Variants in MINAR1 observed in about 807,000 individuals in gnomAD.
The protein encoded by MINAR1 is membrane integral NOTCH2 associated receptor 1.
MINAR1 carries 40 observed loss-of-function variants against 65.1 expected under a neutral mutation model. The ratio of observed to expected loss-of-function variants is 0.61; its 90% confidence interval spans 0.48 to 0.80. The LOEUF (loss-of-function observed/expected upper bound fraction) is 0.80, where lower values mean the gene tolerates loss of function less well. MINAR1 is among the 30% of genes least tolerant of loss of function. MINAR1 has a pLI of 0.00. For synonymous variants in MINAR1, 482 were observed against 449.1 expected, an observed-to-expected ratio of 1.07 and a Z score of -0.93; for missense variants, 1,128 against 1,148.0, an observed-to-expected ratio of 0.98 and a Z score of 0.25.
chr15:79,444,366 A>G (rs1259853441), intron 1 of MINAR1, among the ~76,000 whole-genome samples: 1 of 151,776 alleles, frequency 6.6e-6, no homozygotes, highest in East Asian at 1.9e-4. Flanking sequence ...GAGATTTCCA[A>G]TTTTGTTATT....
chr15:79,422,616 A>T, the MINAR1 span: 1 of 152,134 alleles, frequency 6.6e-6, no homozygotes, highest in Non-Finnish European at 1.5e-5. Flanking sequence ...ACAAGATCAG[A>T]AAGAGAGGAA....
chr15:79,451,432 C>T (rs1895196575), intron 1 of MINAR1, among the ~76,000 whole-genome samples: 2 of 152,082 alleles, frequency 1.3e-5, no homozygotes, highest in Admixed American at 6.6e-5. Flanking sequence ...TTCCAGGAGC[C>T]GGCGTGGGTG....
chr15:79,463,559 G>A, intron 3 of MINAR1: 1 of 663,118 alleles, frequency 1.5e-6, no homozygotes, highest in Non-Finnish European at 2.7e-6. Flanking sequence ...ATTGATTTAT[G>A]TATTTTTTAT....
rs934678558 is a variant in MINAR1 at position 79,458,581 on chromosome 15, G to A, written c.2298+136G>A. On this transcript the variant is annotated intron_variant, in intron 2 of 3. Transcript: ENST00000305428. ...CCAGTCATCCTTCCAGGTTTGGCAGGGTTTTCACATTGGAATAGAGAGGAC... is the reference window on the plus strand; with the variant it reads ...CCAGTCATCCTTCCAGGTTTGGCAGAGTTTTCACATTGGAATAGAGAGGAC... 8 of 1,112,242 alleles carry A rather than the reference G, an allele frequency of 7.2e-6. No homozygotes were observed. The Admixed American group carries it at 1.4e-4, about 19-fold the overall frequency. 68.9% of individuals were successfully genotyped at this position (1,112,242 alleles called of 1,614,324 possible). A position where few individuals can be genotyped will look rare whatever the true frequency, so the allele number is the denominator to read the frequency against.
At position 79,471,255 on chromosome 15, in the gene MINAR1, T is replaced by C. The variant is rs1668423134; in HGVS notation, c.*2871T>C. On this transcript the variant is annotated 3_prime_UTR_variant, in exon 4 of 4. Coordinates refer to ENST00000305428, the MANE Select transcript of MINAR1 (RefSeq NM_015206.3). ...GTCTAAAATTACAACGTTATCAAAATTCACTTCGTTTTTCCTGCATTTTAA... is the reference window on the plus strand; with the variant it reads ...GTCTAAAATTACAACGTTATCAAAACTCACTTCGTTTTTCCTGCATTTTAA... 1.3e-5 allele frequency: 2 copies of C among 152,370 alleles called. No individual in the cohort carries two copies. The highest frequency in any genetic ancestry group is 2.4e-5 in the African/African-American group (1 of 41,446). The allele number at this position is 152,370 out of a possible 1,614,324, so 9.4% of individuals were successfully genotyped here.
At position 79,463,262 on chromosome 15, in the gene MINAR1, A is replaced by T. The variant is rs2297773; in HGVS notation, c.2494A>T (p.Ile832Phe). Residue 832 changes from isoleucine to phenylalanine, a missense_variant, in exon 3 of 4, where the codon ATT becomes TTT. Transcript: ENST00000305428. ...EVKRGQPSWT[I>F]EEYARNAGDK... ...GAAGCGGGGCCAACCTTCTTGGACC[A>T]TTGAGGAGTATGCACGGAATGCGGG... is the stretch of plus-strand genomic sequence containing the variant. 1 of 1,614,048 alleles carries T rather than the reference A, an allele frequency of 6.2e-7. No individual in the cohort carries two copies. The highest frequency in any genetic ancestry group is 1.1e-5 in the South Asian group (1 of 91,082).
rs748498966 is a variant in MINAR1, at chr15:79,468,354, T to G, written c.2721T>G (p.Ile907Met). Residue 907 changes from isoleucine (I) to methionine (M), a missense_variant, in exon 4 of 4, where the codon ATT becomes ATG. Ile to Met is a conservative substitution (Grantham distance 10). Transcript: ENST00000305428. ...AAAACTVILV[I>M]VVPICTMKS ...CGGCATGCACCGTCATCCTCGTTAT[T>G]GTCGTGCCCATCTGCACAATGAAAT... The G allele has an allele frequency of 6.2e-7, 1 of 1,614,096 alleles. No homozygotes were observed. The highest frequency in any genetic ancestry group is 8.5e-7 in the Non-Finnish European group (1 of 1,180,002).
chr15:79,450,662 A>G (rs1350715218), intron 1 of MINAR1, among the ~76,000 whole-genome samples: 1 of 152,218 alleles, frequency 6.6e-6, no homozygotes, highest in Non-Finnish European at 1.5e-5. Context: ...CATGTGGTTG[A>G]GGATGAAGCT....
At position 79,463,285 on chromosome 15, in the gene MINAR1, G is replaced by GGGC. The variant is rs1895717184; in HGVS notation, c.2519_2521dup (p.Gly840dup). ...CCATTGAGGAGTATGCACGGAATGC[G>GGGC]GGCGACAAGGGCAAGCTGACAGCCC... On this transcript the variant is annotated inframe_insertion, in exon 3 of 4. Transcript: ENST00000305428. 1.2e-6 allele frequency: 2 copies of GGGC among 1,613,984 alleles called. No homozygotes were observed. Among genetic ancestry groups the GGGC allele is most frequent in the Non-Finnish European group, 1.7e-6 (2 of 1,179,988 alleles).
Position 79,437,747 on chromosome 15 carries a change from TGTAG to T in MINAR1, c.-51+5212_-51+5215del, listed in dbSNP as rs202177227. On this transcript the variant is annotated intron_variant, in intron 1 of 3. Coordinates refer to ENST00000305428, the MANE Select transcript of MINAR1 (RefSeq NM_015206.3). ...AGTGAGTGTGTGGGGTGTGGGTGTG[TGTAG>T]GTAGTGTGTGGGGTGTGAGTGGGGT... Among the ~76,000 whole-genome samples the T allele has an allele frequency of 5.0e-3, 101 of 20,066 alleles. 5 individuals carry two copies. Among genetic ancestry groups the T allele is most frequent in the African/African-American group, 0.015 (98 of 6,718 alleles). 13.2% of individuals were successfully genotyped at this position (20,066 alleles called of 152,430 possible). A position where few individuals can be genotyped will look rare whatever the true frequency, so the allele number is the denominator to read the frequency against.
the MINAR1 span, chr15:79,420,582 T>A: frequency 1.3e-5 from 2 of 152,200 alleles, no homozygotes; most frequent in African/African-American, 4.8e-5. Flanking sequence ...AAATTCATAT[T>A]GAGTAAATGA....
At chr15:79,421,557 A>G in the MINAR1 span, 5 of 152,324 alleles carry the variant, frequency 3.3e-5, no homozygotes, top group East Asian at 7.7e-4. Context: ...CTCCAATTGA[A>G]CACCTCTTGG....
Position 79,470,103 on chromosome 15 carries a change from G to C in MINAR1, c.*1719G>C, listed in dbSNP as rs895679586. ...TATCTATTTGTATTATCATGTTTAT[G>C]TATGGATTTTCAATTTCAGTAACCG... On this transcript the variant is annotated 3_prime_UTR_variant, in exon 4 of 4. Coordinates refer to ENST00000305428, the MANE Select transcript of MINAR1 (RefSeq NM_015206.3). The C allele has an allele frequency of 2.6e-5, 4 of 152,440 alleles. No individual in the cohort carries two copies. Among genetic ancestry groups the C allele is most frequent in the African/African-American group, 7.2e-5 (3 of 41,414 alleles). 9.4% of individuals were successfully genotyped at this position (152,440 alleles called of 1,614,324 possible).
intron 1 of MINAR1, 70 bp from the exon 2 acceptor site, chr15:79,456,028 C>T (rs1444565093): frequency 1.1e-6 from 1 of 883,978 alleles, no homozygotes; most frequent in African/African-American, 1.7e-5. Context: ...TTATAAGGAG[C>T]TTGACTTCAA....
chr15:79,428,959 T>C (rs1894380488), upstream of MINAR1, among the ~76,000 whole-genome samples: 1 of 151,776 alleles, frequency 6.6e-6, no homozygotes, highest in South Asian at 2.1e-4. Context: ...AGAAAATGCA[T>C]AGCTCTACAC....
In MINAR1 at chr15:79,454,927, T is replaced by A. The variant is rs1443101048; in HGVS notation, c.-50-1171T>A. 2.3e-5 allele frequency among the ~76,000 whole-genome samples: 3 copies of A among 130,054 alleles called. No homozygotes were observed. The East Asian group carries it at 7.8e-4, about 34-fold the overall frequency. The allele number at this position is 130,054 out of a possible 152,430, so 85.3% of individuals were successfully genotyped here. A position where few individuals can be genotyped will look rare whatever the true frequency, so the allele number is the denominator to read the frequency against. ...ATTGTACGTACATTTTACATTAAAA[T>A]CTGTGAACAGTTTTTGAATTGGGTT... On this transcript the variant is annotated intron_variant, in intron 1 of 3. Coordinates refer to ENST00000305428, the MANE Select transcript of MINAR1 (RefSeq NM_015206.3).
intron 1 of MINAR1, among the ~76,000 whole-genome samples, chr15:79,441,548 A>G (rs1009703085): frequency 6.6e-6 from 1 of 152,162 alleles, no homozygotes; most frequent in African/African-American, 2.4e-5. Flanking sequence ...CTTTGTTTAC[A>G]TATATCTGAT....
intron 1 of MINAR1, among the ~76,000 whole-genome samples, chr15:79,442,527 ATTAAC>A (rs1454993278): frequency 2.0e-5 from 3 of 151,504 alleles, no homozygotes; most frequent in Non-Finnish European, 2.9e-5. Context: ...TTCTTAGATA[ATTAAC>A]TTAAAGCAAA....
chr15:79,453,347 G>A (rs1895302018), intron 1 of MINAR1, among the ~76,000 whole-genome samples: 1 of 152,076 alleles, frequency 6.6e-6, no homozygotes, highest in Non-Finnish European at 1.5e-5. Flanking sequence ...GAGTCCACTT[G>A]GGCCCCTAAC....
Sources: gnomAD v4.1 joint callset for allele counts (sites outside exome capture counted in the v4.1 genomes callset) on GRCh38, gnomAD v4.1.1 for gene constraint, MANE v1.5 for transcripts, NCBI Gene and HGNC (gene_info 2026-07-23, HGNC 2026-07-21) for gene names.